The following UBAP1 variants were observed in gnomAD, a reference collection of about 807,000 sequenced individuals.
The protein encoded by UBAP1 is ubiquitin associated protein 1.
A neutral mutation model predicts 39.0 loss-of-function variants in UBAP1; 5 were observed. The ratio of observed to expected loss-of-function variants is 0.13; its 90% confidence interval spans 0.07 to 0.27. The LOEUF is 0.27. UBAP1 is among the 10% of genes least tolerant of loss of function. UBAP1 has a pLI of 1.00. For missense variants in UBAP1, 490 were observed against 608.1 expected (o/e 0.81, Z 2.04); for synonymous variants, 211 against 225.1 (o/e 0.94, Z 0.56).
At chr9:34,226,113 G>GTGTGTGTGTGTGTGTGTGTGTGTGTGTT (rs1563911110) in intron 2 of UBAP1, among the ~76,000 whole-genome samples, 41 of 89,344 alleles carry the variant, frequency 4.6e-4, no homozygotes, top group African/African-American at 1.3e-3. Flanking sequence ...TATTGTGTGT[G>GTGTGTGTGTGTGTGTGTGTGTGTGTGTT]TGTGTGTGTG....
At chr9:34,243,028 C>CA (rs1834039832) in intron 4 of UBAP1, among the ~76,000 whole-genome samples, 1 of 152,158 alleles carries the variant, frequency 6.6e-6, no homozygotes, top group African/African-American at 2.4e-5. Context: ...CTTCTATTGT[C>CA]AGAGAGCTCA....
chr9:34,187,534 T>C (rs1830469899), intron 1 of UBAP1, among the ~76,000 whole-genome samples: 1 of 152,198 alleles, frequency 6.6e-6, no homozygotes, highest in Non-Finnish European at 1.5e-5. Flanking sequence ...GACCTTTCTT[T>C]GTGTGGACAG....
chr9:34,190,026 A>G (rs1487880327), intron 1 of UBAP1, among the ~76,000 whole-genome samples: 1 of 152,192 alleles, frequency 6.6e-6, no homozygotes, highest in African/African-American at 2.4e-5. Flanking sequence ...GTTTTCTGAA[A>G]ATACTTTAGC....
chr9:34,238,236 A>G (rs1443256317), intron 3 of UBAP1, among the ~76,000 whole-genome samples: 1 of 152,236 alleles, frequency 6.6e-6, no homozygotes, highest in Non-Finnish European at 1.5e-5. Flanking sequence ...TTGTTTGGAT[A>G]TAACACACTT....
intron 1 of UBAP1, among the ~76,000 whole-genome samples, chr9:34,186,311 A>C (rs959835382): frequency 6.6e-6 from 1 of 152,156 alleles, no homozygotes; most frequent in African/African-American, 2.4e-5. Context: ...GCTGAGTCAG[A>C]TTGGATCCGG....
At chr9:34,223,409 C>CA (rs770698280) in intron 2 of UBAP1, among the ~76,000 whole-genome samples, 1,059 of 81,760 alleles carry the variant, frequency 0.013, 5 homozygotes, top group Middle Eastern at 0.064. Flanking sequence ...CATTCCATCT[C>CA]AAAAAAAAAA....
intron 1 of UBAP1, chr9:34,211,881 A>G (rs1034383429): frequency 2.6e-5 from 6 of 228,410 alleles, no homozygotes; most frequent in African/African-American, 1.2e-4. Context: ...TTCAGATTTT[A>G]AGTTACCGGG....
At chr9:34,186,242 T>C (rs1025813034) in intron 1 of UBAP1, among the ~76,000 whole-genome samples, 2 of 152,252 alleles carry the variant, frequency 1.3e-5, no homozygotes, top group African/African-American at 4.8e-5. Flanking sequence ...GATTATTTTG[T>C]ACTTCACAAA....
chr9:34,210,394 AT>A (rs1381622605), intron 1 of UBAP1, among the ~76,000 whole-genome samples: 3 of 152,222 alleles, frequency 2.0e-5, no homozygotes, highest in East Asian at 1.9e-4. Flanking sequence ...ACACAAAAAA[AT>A]ATTCTAATAC....
rs562387251 is a variant in UBAP1 at position 34,251,776 on chromosome 9, T to C, written c.*244T>C. ...CTTCCGTATTAAACGCATTTGCATTTTGAGAAGTGTCCTTCCCACTTCAGC... is the reference window on the plus strand; with the variant it reads ...CTTCCGTATTAAACGCATTTGCATTCTGAGAAGTGTCCTTCCCACTTCAGC... On this transcript the variant is annotated 3_prime_UTR_variant, in exon 7 of 7. Coordinates refer to ENST00000297661, the MANE Select transcript of UBAP1 (RefSeq NM_016525.5). 1 of 473,036 alleles carries C rather than the reference T, an allele frequency of 2.1e-6. No homozygotes were observed. Among genetic ancestry groups the C allele is most frequent in the African/African-American group, 1.9e-5 (1 of 52,272 alleles). 29.3% of individuals were successfully genotyped at this position (473,036 alleles called of 1,614,324 possible).
intron 1 of UBAP1, among the ~76,000 whole-genome samples, chr9:34,203,095 A>G (rs557761023): frequency 5.4e-4 from 82 of 152,180 alleles, no homozygotes; most frequent in African/African-American, 1.9e-3. Context: ...TACAGTCAGG[A>G]TTTTGCAGTT....
intron 1 of UBAP1, among the ~76,000 whole-genome samples, chr9:34,197,236 G>T (rs1831120534): frequency 6.7e-6 from 1 of 149,568 alleles, no homozygotes; most frequent in Non-Finnish European, 1.5e-5. Context: ...AGTTATTTGT[G>T]TTTTATTATA....
chr9:34,198,036 C>T (rs1264286033), intron 1 of UBAP1, among the ~76,000 whole-genome samples: 1 of 152,170 alleles, frequency 6.6e-6, no homozygotes, highest in African/African-American at 2.4e-5. Context: ...GCTGGAATCT[C>T]TTGTTGAACT....
intron 1 of UBAP1, among the ~76,000 whole-genome samples, chr9:34,202,025 A>G (rs976982875): frequency 1.3e-4 from 20 of 152,090 alleles, no homozygotes; most frequent in African/African-American, 4.3e-4. Context: ...CTGACTTTCC[A>G]TATCCTCCCT....
chr9:34,232,967 G>A (rs557635463), intron 2 of UBAP1, among the ~76,000 whole-genome samples: 1 of 152,282 alleles, frequency 6.6e-6, no homozygotes, highest in Admixed American at 6.5e-5. Context: ...TCTCATATAA[G>A]AGGCGTTTTC....
At chr9:34,203,150 A>C (rs10971990) in intron 1 of UBAP1, among the ~76,000 whole-genome samples, 18,824 of 152,114 alleles carry the variant, frequency 0.12, 1,526 homozygotes, top group Non-Finnish European at 0.18. Flanking sequence ...GTATGGATAA[A>C]ACATAAATAA....
intron 1 of UBAP1, among the ~76,000 whole-genome samples, chr9:34,207,693 A>G (rs1031237583): frequency 1.7e-4 from 25 of 150,420 alleles, no homozygotes; most frequent in African/African-American, 4.1e-4. Context: ...GGATCTTGCA[A>G]TGTTGCCCAG....
chr9:34,205,101 C>T (rs1227441910), intron 1 of UBAP1, among the ~76,000 whole-genome samples: 1 of 152,192 alleles, frequency 6.6e-6, no homozygotes, highest in African/African-American at 2.4e-5. Flanking sequence ...ACTGCAGCTT[C>T]GACCTCCCCA....
At chr9:34,225,096 C>T (rs1832974781) in intron 2 of UBAP1, among the ~76,000 whole-genome samples, 1 of 152,156 alleles carries the variant, frequency 6.6e-6, no homozygotes, top group Non-Finnish European at 1.5e-5. Flanking sequence ...GTGGATTGGT[C>T]CTCCAAAGTT....
Sources: gnomAD v4.1 joint callset for allele counts (sites outside exome capture counted in the v4.1 genomes callset) on GRCh38, gnomAD v4.1.1 for gene constraint, MANE v1.5 for transcripts, NCBI Gene and HGNC (gene_info 2026-07-23, HGNC 2026-07-21) for gene names.